Variants in FAM81A observed in about 807,000 individuals in gnomAD.
FAM81A encodes family with sequence similarity 81 member A.
FAM81A carries 19 observed loss-of-function variants against 46.7 expected under a neutral mutation model. The observed-to-expected ratio is 0.41, with a 90% confidence interval of 0.28 to 0.60. FAM81A has a LOEUF of 0.60. Among genes scored for constraint, FAM81A ranks in the 20% least tolerant of loss-of-function variants. The pLI, the probability that FAM81A is intolerant of heterozygous loss-of-function variation, is 0.34. For missense variants in FAM81A, 377 were observed against 453.5 expected, an observed-to-expected ratio of 0.83 and a Z score of 1.53; for synonymous variants, 183 against 152.9, an observed-to-expected ratio of 1.20 and a Z score of -1.45.
In FAM81A at chr15:59,466,788, A is replaced by G. The variant is rs551024297; in HGVS notation, c.294+6582A>G. ...AGGCATGAAGTCCTTGCCCATGCCTATGTCCTGAATGGTACTGCCTAGGTT... is the reference window on the plus strand; with the variant it reads ...AGGCATGAAGTCCTTGCCCATGCCTGTGTCCTGAATGGTACTGCCTAGGTT... On this transcript the variant is annotated intron_variant, in intron 3 of 8. Coordinates refer to ENST00000288228, the MANE Select transcript of FAM81A (RefSeq NM_152450.3). Among the ~76,000 whole-genome samples the G allele has an allele frequency of 7.7e-4, 118 of 152,312 alleles. 3 individuals are homozygous for G. The South Asian group carries it at 0.022, about 28-fold the overall frequency.
chr15:59,466,591 A>G (rs1265793192), intron 3 of FAM81A, among the ~76,000 whole-genome samples: 1 of 151,264 alleles, frequency 6.6e-6, no homozygotes, highest in Non-Finnish European at 1.5e-5. Flanking sequence ...AGTTCTTTGT[A>G]GATTCTGGAT....
chr15:59,501,907 G>A (rs567802619), intron 4 of FAM81A, among the ~76,000 whole-genome samples: 101 of 152,192 alleles, frequency 6.6e-4, no homozygotes, highest in African/African-American at 2.4e-3. Context: ...AGAGCCCTGA[G>A]GCTGTCTTTT....
chr15:59,419,612 G>T (rs1207364010), intron 2 of FAM81A, among the ~76,000 whole-genome samples: 1 of 152,154 alleles, frequency 6.6e-6, no homozygotes, highest in African/African-American at 2.4e-5. Flanking sequence ...GGTGGCTCAA[G>T]CTTGTAATCC....
chr15:59,519,546 C>A (rs2141852134), intron 8 of FAM81A, among the ~76,000 whole-genome samples: 1 of 141,564 alleles, frequency 7.1e-6, no homozygotes, highest in South Asian at 2.3e-4. Flanking sequence ...TCTTTTCTTT[C>A]TTCCTTTCTT....
At chr15:59,472,602 G>T (rs1439720233) in intron 3 of FAM81A, among the ~76,000 whole-genome samples, 1 of 150,058 alleles carries the variant, frequency 6.7e-6, no homozygotes, top group Non-Finnish European at 1.5e-5. Flanking sequence ...GGGTCTGGCT[G>T]TGCAGTGGTA....
chr15:59,507,442 A>G (rs1306248448), intron 5 of FAM81A, 100 bp downstream of exon 5: 1 of 1,455,536 alleles, frequency 6.9e-7, no homozygotes, highest in Non-Finnish European at 9.3e-7. Flanking sequence ...CAGCTGGGGC[A>G]TCTAGCATGG....
chr15:59,419,580 T>TAA (rs141966617), intron 2 of FAM81A, among the ~76,000 whole-genome samples: 7 of 151,952 alleles, frequency 4.6e-5, no homozygotes, highest in Admixed American at 1.3e-4. Context: ...TGAATTCTAT[T>TAA]AAAAAACAAC....
intron 2 of FAM81A, among the ~76,000 whole-genome samples, chr15:59,427,134 C>T (rs573960334): frequency 9.2e-5 from 14 of 151,832 alleles, no homozygotes; most frequent in African/African-American, 1.2e-4. Context: ...TTGGGAGCAC[C>T]GAGTCTCACT....
intron 3 of FAM81A, among the ~76,000 whole-genome samples, chr15:59,462,688 T>C (rs543261113): frequency 3.3e-5 from 5 of 152,214 alleles, no homozygotes; most frequent in Non-Finnish European, 7.3e-5. Flanking sequence ...CCTCAGCCCC[T>C]GGTGACCTCT....
intron 3 of FAM81A, among the ~76,000 whole-genome samples, chr15:59,486,743 G>A (rs2081921397): frequency 6.6e-6 from 1 of 150,872 alleles, no homozygotes; most frequent in Non-Finnish European, 1.5e-5. Context: ...AGTGCTGAAG[G>A]AAAAAAAAAC....
chr15:59,480,183 C>T (rs2081831837), intron 3 of FAM81A, among the ~76,000 whole-genome samples: 1 of 152,192 alleles, frequency 6.6e-6, no homozygotes, highest in Non-Finnish European at 1.5e-5. Context: ...GAGGCTGGAA[C>T]TGTGGTAAAA....
At chr15:59,446,009 C>T (rs985167430) in intron 1 of FAM81A, among the ~76,000 whole-genome samples, 2 of 152,178 alleles carry the variant, frequency 1.3e-5, no homozygotes, top group South Asian at 4.1e-4. Context: ...CTTCAGTCAG[C>T]AATCGATATG....
intron 2 of FAM81A, among the ~76,000 whole-genome samples, chr15:59,432,629 A>G (rs56041460): frequency 0.19 from 28,149 of 152,124 alleles, 2,967 homozygotes; most frequent in South Asian, 0.28. Flanking sequence ...ACCTTGGACA[A>G]GTTACATAAT....
chr15:59,408,207 C>T (rs1376828850), intron 2 of FAM81A: 1 of 152,642 alleles, frequency 6.6e-6, no homozygotes, highest in Non-Finnish European at 1.5e-5. Context: ...GATAACTATT[C>T]CAGGCTTCTG....
At chr15:59,482,041 C>T (rs965412498) in intron 3 of FAM81A, among the ~76,000 whole-genome samples, 5 of 152,046 alleles carry the variant, frequency 3.3e-5, no homozygotes, top group Non-Finnish European at 7.4e-5. Flanking sequence ...CCCACACATG[C>T]GCAGCCTCTC....
chr15:59,476,137 G>A (rs955981157), intron 3 of FAM81A, among the ~76,000 whole-genome samples: 1 of 152,038 alleles, frequency 6.6e-6, no homozygotes, highest in Non-Finnish European at 1.5e-5. Context: ...AATCCCATTC[G>A]TGAAGATTCT....
intron 3 of FAM81A, among the ~76,000 whole-genome samples, chr15:59,461,295 CTTTTCTTTCT>C (rs2081548247): frequency 6.6e-6 from 1 of 151,858 alleles, no homozygotes; most frequent in Non-Finnish European, 1.5e-5. Flanking sequence ...TCTTTCTTTC[CTTTTCTTTCT>C]TTTTGTTTGT....
chr15:59,506,472 G>A (rs111809118), intron 4 of FAM81A, among the ~76,000 whole-genome samples: 1,925 of 152,232 alleles, frequency 0.013, 51 homozygotes, highest in African/African-American at 0.045. Flanking sequence ...ATTCATGATG[G>A]ATTGCTCCGA....
At chr15:59,505,283 G>A (rs1226690606) in intron 4 of FAM81A, among the ~76,000 whole-genome samples, 3 of 152,174 alleles carry the variant, frequency 2.0e-5, no homozygotes, top group Admixed American at 6.5e-5. Context: ...AGGCTGAGGC[G>A]GGTGGATTGC....
Sources: gnomAD v4.1 joint callset for allele counts (sites outside exome capture counted in the v4.1 genomes callset) on GRCh38, gnomAD v4.1.1 for gene constraint, MANE v1.5 for transcripts, NCBI Gene and HGNC (gene_info 2026-07-23, HGNC 2026-07-21) for gene names.